The following SYT1 variants were observed in gnomAD, a reference collection of about 807,000 sequenced individuals.
The protein encoded by SYT1 is synaptotagmin 1, also known as synaptotagmin-1.
SYT1 carries 8 observed loss-of-function variants against 44.8 expected under a neutral mutation model. The observed-to-expected ratio is 0.18, with a 90% CI of 0.10 to 0.32. The LOEUF (loss-of-function observed/expected upper bound fraction) is 0.32, where lower values mean the gene tolerates loss of function less well. Ranked by LOEUF, SYT1 falls within the 10% of genes least tolerant of loss-of-function variation. SYT1 has a pLI of 1.00. For synonymous variants in SYT1, 154 were observed against 188.8 expected (o/e 0.82, Z 1.51); for missense variants, 286 against 509.3 (o/e 0.56, Z 4.22).
intron 8 of SYT1, among the ~76,000 whole-genome samples, chr12:79,318,151 A>T (rs1403401593): frequency 3.3e-5 from 5 of 152,214 alleles, no homozygotes; most frequent in Non-Finnish European, 7.3e-5. Context: ...TTAATTACTT[A>T]GAAAGATTGA....
At chr12:78,925,618 A>G (rs1877260637) in intron 1 of SYT1, among the ~76,000 whole-genome samples, 1 of 151,938 alleles carries the variant, frequency 6.6e-6, no homozygotes, top group Admixed American at 6.6e-5. Flanking sequence ...AGAAGGTGTA[A>G]GTCCATCCTC....
Position 79,204,365 on chromosome 12 carries a change from C to G in SYT1, c.-17-13138C>G, listed in dbSNP as rs74518454. 4.5e-3 allele frequency among the ~76,000 whole-genome samples: 688 copies of G among 152,298 alleles called. 6 individuals are homozygous for G. The highest frequency in any genetic ancestry group is 0.016 in the African/African-American group (649 of 41,554). On this transcript the variant is annotated intron_variant, in intron 3 of 10. Transcript: ENST00000261205. Reference sequence around the variant, plus strand: ...GCTTCACTGTGTGACAAAACAATGACTGTTTGAACACAGTGTGATAAAAGA... The same window carrying G: ...GCTTCACTGTGTGACAAAACAATGAGTGTTTGAACACAGTGTGATAAAAGA...
At chr12:79,050,951 A>G (rs533946937) in intron 3 of SYT1, among the ~76,000 whole-genome samples, 4 of 152,126 alleles carry the variant, frequency 2.6e-5, no homozygotes, top group East Asian at 3.9e-4. Context: ...TAATATTTTC[A>G]TTTTATAGAG....
chr12:79,045,475 TC>T (rs1450603661), intron 2 of SYT1: 1 of 155,424 alleles, frequency 6.4e-6, no homozygotes, highest in Non-Finnish European at 1.4e-5. Context: ...CGCCCCTGTT[TC>T]GGCTCGCGCA....
intron 1 of SYT1, among the ~76,000 whole-genome samples, chr12:78,937,643 A>G (rs1016965837): frequency 2.0e-5 from 3 of 152,142 alleles, no homozygotes; most frequent in African/African-American, 7.2e-5. Flanking sequence ...TTACCTTCCA[A>G]CTGAAGTTAA....
At chr12:79,346,155 T>C (rs1882595773) in intron 8 of SYT1, among the ~76,000 whole-genome samples, 1 of 152,190 alleles carries the variant, frequency 6.6e-6, no homozygotes, top group African/African-American at 2.4e-5. Flanking sequence ...AAACGATGTA[T>C]GGGGCTACAG....
At chr12:79,337,304 A>G (rs1882137193) in intron 8 of SYT1, among the ~76,000 whole-genome samples, 1 of 152,160 alleles carries the variant, frequency 6.6e-6, no homozygotes, top group Admixed American at 6.5e-5. Flanking sequence ...CCCTGACAAG[A>G]AGGAAAACTT....
chr12:79,363,859 T>A (rs1883426157), intron 9 of SYT1, among the ~76,000 whole-genome samples: 1 of 152,164 alleles, frequency 6.6e-6, no homozygotes, highest in Non-Finnish European at 1.5e-5. Flanking sequence ...CTTGTTCCCT[T>A]TTCACCATAG....
chr12:79,068,749 C>T (rs1876054232), intron 3 of SYT1, among the ~76,000 whole-genome samples: 1 of 151,694 alleles, frequency 6.6e-6, no homozygotes, highest in Admixed American at 6.6e-5. Context: ...CATGGTAGCT[C>T]ATGCCTGTAA....
intron 9 of SYT1, among the ~76,000 whole-genome samples, chr12:79,375,425 C>A (rs1226682755): frequency 2.0e-5 from 3 of 152,036 alleles, no homozygotes; most frequent in African/African-American, 4.8e-5. Flanking sequence ...GAGGCAGAGC[C>A]CAGTCAGGAA....
chr12:79,422,507 C>CT (rs1352731967), intron 9 of SYT1, among the ~76,000 whole-genome samples: 2 of 151,334 alleles, frequency 1.3e-5, no homozygotes, highest in Non-Finnish European at 1.5e-5. Flanking sequence ...TCCATAGACT[C>CT]TAACTTTTTT....
chr12:79,068,838 A>G (rs933163504), intron 3 of SYT1, among the ~76,000 whole-genome samples: 3 of 152,092 alleles, frequency 2.0e-5, no homozygotes, highest in African/African-American at 2.4e-5. Context: ...ACATCATGAG[A>G]TCCATGTGGG....
intron 2 of SYT1, among the ~76,000 whole-genome samples, chr12:79,037,904 A>C (rs1456872640): frequency 6.6e-6 from 1 of 151,852 alleles, no homozygotes; most frequent in East Asian, 1.9e-4. Context: ...TGTTGTGCTT[A>C]ATGAACAAAA....
chr12:78,924,275 G>C (rs1476336151), intron 1 of SYT1, among the ~76,000 whole-genome samples: 3 of 151,854 alleles, frequency 2.0e-5, no homozygotes, highest in Non-Finnish European at 4.4e-5. Flanking sequence ...GTGTTTGCTA[G>C]TATAGGCAAT....
intron 4 of SYT1, among the ~76,000 whole-genome samples, chr12:79,256,632 C>T (rs1194499845): frequency 2.0e-5 from 3 of 151,544 alleles, no homozygotes; most frequent in African/African-American, 7.3e-5. Context: ...TGGTCAATAA[C>T]TCAAAACCAT....
intron 4 of SYT1, among the ~76,000 whole-genome samples, chr12:79,245,597 G>C (rs1876803990): frequency 6.7e-6 from 1 of 148,936 alleles, no homozygotes; most frequent in African/African-American, 2.5e-5. Context: ...GTGGCAAAAA[G>C]AAAAAAAAGA....
At chr12:78,942,180 GCTTTATGTCCTTTAACT>G (rs534300627) in intron 1 of SYT1, among the ~76,000 whole-genome samples, 154 of 152,216 alleles carry the variant, frequency 1.0e-3, no homozygotes, top group African/African-American at 3.3e-3. Context: ...CTCCATTCAA[GCTTTATGTCCTTTAACT>G]CTTTATGTCC....
chr12:79,175,229 T>G (rs2138369075), intron 3 of SYT1, among the ~76,000 whole-genome samples: 1 of 152,202 alleles, frequency 6.6e-6, no homozygotes, highest in Non-Finnish European at 1.5e-5. Context: ...GAAAATAACA[T>G]CTGCGACATA....
intron 3 of SYT1, among the ~76,000 whole-genome samples, chr12:79,059,808 T>TA (rs1204225633): frequency 7.9e-5 from 12 of 152,116 alleles, no homozygotes; most frequent in Admixed American, 7.9e-4. Flanking sequence ...ACTGAACACT[T>TA]ACTCCCTGCT....
Sources: allele counts gnomAD v4.1 joint callset (sites outside exome capture counted in the v4.1 genomes callset), GRCh38; gene constraint gnomAD v4.1.1; transcripts MANE v1.5; gene names NCBI Gene and HGNC (gene_info 2026-07-23, HGNC 2026-07-21).